CSNK1G3: variants seen among roughly 807,000 people sequenced by gnomAD.
The protein encoded by CSNK1G3 is casein kinase 1 gamma 3, also known as casein kinase I isoform gamma-3.
In CSNK1G3, 23 loss-of-function variants were observed where a neutral mutation model predicts 64.3. The observed-to-expected ratio is 0.36, with a 90% CI of 0.26 to 0.51. The LOEUF (loss-of-function observed/expected upper bound fraction) is 0.51, where lower values mean the gene tolerates loss of function less well. Among genes scored for constraint, CSNK1G3 ranks in the 20% least tolerant of loss-of-function variants. CSNK1G3 has a pLI of 0.96. For missense variants in CSNK1G3, 357 were observed against 510.5 expected (o/e 0.70, Z 2.90); for synonymous variants, 158 against 162.2 (o/e 0.97, Z 0.20).
At chr5:123,513,094 G>C (rs1258798492) in intron 1 of CSNK1G3, among the ~76,000 whole-genome samples, 8 of 152,172 alleles carry the variant, frequency 5.3e-5, no homozygotes, top group Non-Finnish European at 1.2e-4. Context: ...GAGTGTTTAA[G>C]GGGTTGGGTG....
At chr5:123,526,840 TTGTG>T (rs34275675) in intron 1 of CSNK1G3, among the ~76,000 whole-genome samples, 2,679 of 126,710 alleles carry the variant, frequency 0.021, 73 homozygotes, top group African/African-American at 0.073. Flanking sequence ...CATGTACAGA[TTGTG>T]TGTGTGTGTG....
At chr5:123,586,119 G>T (rs185263550) in intron 6 of CSNK1G3, among the ~76,000 whole-genome samples, 3 of 152,310 alleles carry the variant, frequency 2.0e-5, no homozygotes, top group African/African-American at 7.2e-5. Context: ...ATGGTTGCAC[G>T]TAACAACATG....
intron 8 of CSNK1G3, 95 bp from the exon 9 acceptor site, chr5:123,590,315 T>G: frequency 4.0e-6 from 2 of 494,676 alleles, no homozygotes; most frequent in East Asian, 3.6e-5. Flanking sequence ...ACTTTTCAAG[T>G]GTTTTTATAT....
Position 123,585,667 on chromosome 5 carries a change from G to A in CSNK1G3, c.674-2401G>A, listed in dbSNP as rs181628775. ...TAAACAGGCAAACACATGAAATAAA[G>A]TTCAGTGTTAGTCACCAGTGAAATA... On this transcript the variant is annotated intron_variant, in intron 6 of 12. Coordinates refer to ENST00000345990, the Ensembl canonical transcript of CSNK1G3. Among the ~76,000 whole-genome samples the A allele has an allele frequency of 4.3e-3, 648 of 152,244 alleles. 7 individuals carry two copies. Among genetic ancestry groups the A allele is most frequent in the Non-Finnish European group, 6.4e-3 (437 of 67,988 alleles).
chr5:123,520,297 G>A (rs926349091), intron 1 of CSNK1G3, among the ~76,000 whole-genome samples: 4 of 151,954 alleles, frequency 2.6e-5, no homozygotes, highest in Non-Finnish European at 5.9e-5. Flanking sequence ...TATATGTATG[G>A]GTTGTAAGTA....
intron 1 of CSNK1G3, among the ~76,000 whole-genome samples, chr5:123,526,263 G>T (rs1413759626): frequency 6.6e-6 from 1 of 151,802 alleles, no homozygotes; most frequent in East Asian, 1.9e-4. Context: ...TTGGTATATT[G>T]CCCAGGCTGG....
At chr5:123,553,015 T>C in intron 2 of CSNK1G3, 92 bp from the exon 3 acceptor site, 1 of 658,086 alleles carries the variant, frequency 1.5e-6, no homozygotes, top group Admixed American at 3.1e-5. Context: ...TTTAGTTAAA[T>C]GTATTATGTG....
rs192535101 is a variant in CSNK1G3 at position 123,537,507 on chromosome 5, C to T, written c.-247-7910C>T. 2.8e-3 allele frequency among the ~76,000 whole-genome samples: 432 copies of T among 151,978 alleles called. 1 individual carries two copies. The highest frequency in any genetic ancestry group is 9.6e-3 in the African/African-American group (399 of 41,458). ...ACATGTTTTGGGTGATGGTAAAAGC[C>T]CTGAGGTTGACCATATGCAATCTAT... On this transcript the variant is annotated intron_variant, in intron 1 of 12. Coordinates refer to ENST00000345990, the Ensembl canonical transcript of CSNK1G3.
intron 2 of CSNK1G3, among the ~76,000 whole-genome samples, chr5:123,550,799 T>C (rs1783494091): frequency 6.6e-6 from 1 of 152,204 alleles, no homozygotes; most frequent in Non-Finnish European, 1.5e-5. Context: ...ACACATACTT[T>C]GTGCATCATT....
At chr5:123,582,486 G>C (rs1027137458) in intron 6 of CSNK1G3, among the ~76,000 whole-genome samples, 3 of 152,080 alleles carry the variant, frequency 2.0e-5, no homozygotes, top group Non-Finnish European at 4.4e-5. Context: ...CTCTTAATAC[G>C]TGTTGATTAT....
At chr5:123,558,340 G>GA (rs1785019454) in intron 4 of CSNK1G3, among the ~76,000 whole-genome samples, 1 of 152,074 alleles carries the variant, frequency 6.6e-6, no homozygotes, top group Admixed American at 6.6e-5. Context: ...AAAATTCATG[G>GA]AAAAAATTTC....
intron 12 of CSNK1G3, among the ~76,000 whole-genome samples, chr5:123,606,564 G>A (rs928209011): frequency 1.3e-5 from 2 of 152,098 alleles, no homozygotes; most frequent in African/African-American, 4.8e-5. Context: ...ATGTGATAAA[G>A]CCCTGGTATT....
At chr5:123,538,579 C>T (rs1009019844) in intron 1 of CSNK1G3, among the ~76,000 whole-genome samples, 25 of 151,930 alleles carry the variant, frequency 1.6e-4, no homozygotes, top group Non-Finnish European at 2.6e-4. Context: ...TGGGGCCTGT[C>T]GGGGAGTGGG....
chr5:123,595,246 T>G (rs1272463936), intron 10 of CSNK1G3, 112 bp downstream of exon 11: 1 of 935,480 alleles, frequency 1.1e-6, no homozygotes, highest in Non-Finnish European at 1.6e-6. Context: ...GTTGCTGAAC[T>G]ACTCTATCCA....
chr5:123,581,216 T>C (rs1790182460), intron 6 of CSNK1G3, among the ~76,000 whole-genome samples: 1 of 151,582 alleles, frequency 6.6e-6, no homozygotes, highest in Non-Finnish European at 1.5e-5. Flanking sequence ...TTTCAGGGTA[T>C]AGTTTTTTTT....
chr5:123,513,393 G>A (rs1217515218), intron 1 of CSNK1G3, among the ~76,000 whole-genome samples: 1 of 152,192 alleles, frequency 6.6e-6, no homozygotes, highest in East Asian at 1.9e-4. Flanking sequence ...TCATGTTTTA[G>A]GGAGGAAAAG....
chr5:123,521,768 A>C (rs1778148639), intron 1 of CSNK1G3, among the ~76,000 whole-genome samples: 1 of 152,182 alleles, frequency 6.6e-6, no homozygotes, highest in Admixed American at 6.5e-5. Context: ...GCTAACATTT[A>C]ACTAAATAGA....
intron 1 of CSNK1G3, among the ~76,000 whole-genome samples, chr5:123,530,018 T>C (rs575250012): frequency 6.6e-6 from 1 of 151,314 alleles, no homozygotes; most frequent in Admixed American, 6.6e-5. Flanking sequence ...GCACCTGTAG[T>C]CCCAGCTATT....
chr5:123,547,310 A>G (rs1328241404), intron 2 of CSNK1G3, among the ~76,000 whole-genome samples: 1 of 152,154 alleles, frequency 6.6e-6, no homozygotes, highest in African/African-American at 2.4e-5. Context: ...CTATACTTGC[A>G]TATACTTTGG....
Sources: allele counts gnomAD v4.1 joint callset (sites outside exome capture counted in the v4.1 genomes callset), GRCh38; gene constraint gnomAD v4.1.1; transcripts MANE v1.5; gene names NCBI Gene and HGNC (gene_info 2026-07-23, HGNC 2026-07-21).